The following NCAM1 variants were observed in gnomAD, a reference collection of about 807,000 sequenced individuals.
The protein encoded by NCAM1 is antigen recognized by monoclonal antibody 5.1H11.
NCAM1 carries 14 observed loss-of-function variants against 109.8 expected under a neutral mutation model. The observed-to-expected ratio is 0.13, with a 90% CI of 0.08 to 0.20. NCAM1 has a LOEUF of 0.20. Ranked by LOEUF, NCAM1 falls within the 10% of genes least tolerant of loss-of-function variation. The pLI is 1.00. For missense variants in NCAM1, 774 were observed against 1,109.9 expected (o/e 0.70, Z 4.30); for synonymous variants, 418 against 442.9 (o/e 0.94, Z 0.70).
chr11:113,230,715 G>T (rs1158611452), intron 9 of NCAM1, among the ~76,000 whole-genome samples: 3 of 152,158 alleles, frequency 2.0e-5, no homozygotes, highest in African/African-American at 7.2e-5. Context: ...AGACAAGAGG[G>T]CCCAGCCTAC....
At chr11:112,991,050 T>C (rs1255751755) in intron 1 of NCAM1, among the ~76,000 whole-genome samples, 1 of 152,180 alleles carries the variant, frequency 6.6e-6, no homozygotes, top group African/African-American at 2.4e-5. Flanking sequence ...CTCTTGTGTT[T>C]TCTGCACGTG....
intron 1 of NCAM1, among the ~76,000 whole-genome samples, chr11:113,028,731 A>G (rs1308575285): frequency 3.3e-5 from 5 of 152,196 alleles, no homozygotes; most frequent in African/African-American, 1.2e-4. Flanking sequence ...TTATCTGGGT[A>G]ATTACATCAA....
At chr11:113,057,832 T>C (rs1953766028) in intron 1 of NCAM1, among the ~76,000 whole-genome samples, 1 of 152,196 alleles carries the variant, frequency 6.6e-6, no homozygotes, top group Non-Finnish European at 1.5e-5. Flanking sequence ...ATGTAGCTCA[T>C]CCAAGGTGAA....
chr11:113,210,095 A>G (rs1243259830), intron 7 of NCAM1, among the ~76,000 whole-genome samples: 2 of 152,224 alleles, frequency 1.3e-5, no homozygotes, highest in Non-Finnish European at 2.9e-5. Flanking sequence ...CATTAGTTCT[A>G]TATGATGAAG....
At chr11:113,136,639 T>A (rs1414663729) in intron 1 of NCAM1, among the ~76,000 whole-genome samples, 1 of 152,176 alleles carries the variant, frequency 6.6e-6, no homozygotes, top group African/African-American at 2.4e-5. Flanking sequence ...ATTTGTCTTC[T>A]CTCCGTCTCA....
chr11:113,088,166 T>C (rs1050296331), intron 1 of NCAM1, among the ~76,000 whole-genome samples: 7 of 152,202 alleles, frequency 4.6e-5, no homozygotes, highest in African/African-American at 1.7e-4. Context: ...CAGAAATGAA[T>C]AAATAGACTT....
intron 15 of NCAM1, among the ~76,000 whole-genome samples, chr11:113,246,683 C>T (rs1384261391): frequency 1.3e-5 from 2 of 152,222 alleles, no homozygotes; most frequent in Non-Finnish European, 2.9e-5. Context: ...AAAATTATTT[C>T]CTAGAAAGGT....
intron 1 of NCAM1, among the ~76,000 whole-genome samples, chr11:113,143,594 A>G (rs1396286549): frequency 6.6e-6 from 1 of 152,202 alleles, no homozygotes; most frequent in African/African-American, 2.4e-5. Flanking sequence ...AGCACTGGTA[A>G]TGGATTATAA....
intron 1 of NCAM1, among the ~76,000 whole-genome samples, chr11:113,090,152 C>T (rs566141258): frequency 1.3e-5 from 2 of 152,220 alleles, no homozygotes; most frequent in Admixed American, 6.5e-5. Flanking sequence ...TTTTAACTGT[C>T]CTCTCTGACC....
intron 1 of NCAM1, among the ~76,000 whole-genome samples, chr11:113,001,423 T>C (rs1157793616): frequency 2.0e-5 from 3 of 152,220 alleles, no homozygotes; most frequent in African/African-American, 7.2e-5. Context: ...TCATGGTTTA[T>C]TGGGCATTTA....
intron 8 of NCAM1, among the ~76,000 whole-genome samples, chr11:113,218,817 C>T (rs1344695748): frequency 2.6e-5 from 4 of 152,198 alleles, no homozygotes; most frequent in Non-Finnish European, 5.9e-5. Context: ...GTTACTATTA[C>T]ATTGACCAAA....
intron 1 of NCAM1, among the ~76,000 whole-genome samples, chr11:113,001,354 C>G (rs1555072395): frequency 6.6e-6 from 1 of 152,070 alleles, no homozygotes; most frequent in Non-Finnish European, 1.5e-5. Context: ...GAGTTCTCCA[C>G]TCAAATGATG....
chr11:113,249,870 C>T (rs78365008), intron 15 of NCAM1, among the ~76,000 whole-genome samples: 1,853 of 152,310 alleles, frequency 0.012, 33 homozygotes, highest in African/African-American at 0.042. Context: ...TACCCCAACA[C>T]ATACTCTCAC....
chr11:113,033,168 G>T (rs1555078576), intron 1 of NCAM1, among the ~76,000 whole-genome samples: 1 of 152,190 alleles, frequency 6.6e-6, no homozygotes, highest in Non-Finnish European at 1.5e-5. Flanking sequence ...AGTAATTGCA[G>T]CTGTGGGGTG....
At chr11:112,993,016 A>G (rs1441068658) in intron 1 of NCAM1, among the ~76,000 whole-genome samples, 8 of 152,142 alleles carry the variant, frequency 5.3e-5, no homozygotes, top group Non-Finnish European at 1.5e-5. Flanking sequence ...ATTTCCCAAA[A>G]CAGGTCTGTC....
At chr11:113,053,739 A>T (rs782789958) in intron 1 of NCAM1, among the ~76,000 whole-genome samples, 1 of 152,226 alleles carries the variant, frequency 6.6e-6, no homozygotes, top group Non-Finnish European at 1.5e-5. Flanking sequence ...AACTTAAGTG[A>T]GGGTCACACT....
chr11:112,992,074 C>T (rs1555070665), intron 1 of NCAM1, among the ~76,000 whole-genome samples: 1 of 152,002 alleles, frequency 6.6e-6, no homozygotes, highest in Non-Finnish European at 1.5e-5. Context: ...ATGGAGAAAA[C>T]GGGAGAGAGG....
intron 14 of NCAM1, among the ~76,000 whole-genome samples, chr11:113,245,572 C>T (rs1555120030): frequency 1.3e-5 from 2 of 152,218 alleles, no homozygotes; most frequent in African/African-American, 2.4e-5. Context: ...GAAGGAAACC[C>T]ATTCCCTAGT....
intron 1 of NCAM1, among the ~76,000 whole-genome samples, chr11:113,128,270 A>G (rs1591350826): frequency 6.6e-6 from 1 of 152,256 alleles, no homozygotes; most frequent in East Asian, 1.9e-4. Flanking sequence ...TGCATCTCAG[A>G]TGTGTCACTT....
Sources: allele counts gnomAD v4.1 joint callset (sites outside exome capture counted in the v4.1 genomes callset), GRCh38; gene constraint gnomAD v4.1.1; transcripts MANE v1.5; gene names NCBI Gene and HGNC (gene_info 2026-07-23, HGNC 2026-07-21).